SOX5: variants seen among roughly 807,000 people sequenced by gnomAD.
SOX5 encodes the protein SRY-box transcription factor 5, also known as transcription factor SOX-5.
SOX5 carries 9 observed loss-of-function variants against 92.0 expected under a neutral mutation model. The observed-to-expected ratio is 0.10, with a 90% CI of 0.06 to 0.17. SOX5 has a LOEUF of 0.17. Ranked by LOEUF, SOX5 falls within the 10% of genes least tolerant of loss-of-function variation. SOX5 has a pLI of 1.00. For synonymous variants in SOX5, 344 were observed against 336.3 expected (o/e 1.02, Z -0.25); for missense variants, 642 against 944.5 (o/e 0.68, Z 4.20).
At chr12:23,629,851 G>T (rs2078309262) in intron 8 of SOX5, among the ~76,000 whole-genome samples, 1 of 151,824 alleles carries the variant, frequency 6.6e-6, no homozygotes, top group Non-Finnish European at 1.5e-5. Context: ...AGCTTACAAA[G>T]AATAAATATT....
At chr12:24,021,150 T>C (rs1269820566) in intron 4 of SOX5, among the ~76,000 whole-genome samples, 1 of 152,162 alleles carries the variant, frequency 6.6e-6, no homozygotes, top group East Asian at 1.9e-4. Flanking sequence ...TTCTGTCTAT[T>C]AAACACAAAG....
At chr12:23,818,779 T>C (rs1170173420) in intron 3 of SOX5, among the ~76,000 whole-genome samples, 2 of 152,216 alleles carry the variant, frequency 1.3e-5, no homozygotes, top group Non-Finnish European at 2.9e-5. Context: ...GCTATTTTTC[T>C]ATTCTTAAAT....
chr12:24,394,780 T>G (rs983141972), intron 1 of SOX5, among the ~76,000 whole-genome samples: 1 of 152,194 alleles, frequency 6.6e-6, no homozygotes, highest in African/African-American at 2.4e-5. Context: ...TAAGTTAAAA[T>G]GAAGATGAAA....
chr12:23,946,486 G>A (rs1465957024), intron 1 of SOX5, among the ~76,000 whole-genome samples: 1 of 151,964 alleles, frequency 6.6e-6, no homozygotes, highest in East Asian at 1.9e-4. Flanking sequence ...TACTTATCAT[G>A]AACAAACTAA....
At chr12:24,369,554 C>A (rs1006924841) in intron 1 of SOX5, among the ~76,000 whole-genome samples, 21 of 152,228 alleles carry the variant, frequency 1.4e-4, no homozygotes, top group African/African-American at 4.8e-4. Context: ...ATGGTGAGGA[C>A]AACAGAAGCT....
chr12:23,711,201 T>A (rs2092017500), intron 6 of SOX5, among the ~76,000 whole-genome samples: 1 of 152,236 alleles, frequency 6.6e-6, no homozygotes, highest in African/African-American at 2.4e-5. Context: ...TTTGTCACTT[T>A]AAGAAAGCTC....
At chr12:24,110,900 CA>C (rs67100585) in intron 4 of SOX5, among the ~76,000 whole-genome samples, 555 of 27,550 alleles carry the variant, frequency 0.02, no homozygotes, top group African/African-American at 0.03. Flanking sequence ...GACTCCACTT[CA>C]AAAAAAAAAA....
intron 4 of SOX5, among the ~76,000 whole-genome samples, chr12:24,185,588 G>A (rs1955933735): frequency 6.6e-6 from 1 of 152,136 alleles, no homozygotes; most frequent in South Asian, 2.1e-4. Flanking sequence ...GAGGGCAGGT[G>A]AGAACAGACC....
At chr12:23,676,128 G>T (rs1053049639) in intron 6 of SOX5, among the ~76,000 whole-genome samples, 2 of 152,096 alleles carry the variant, frequency 1.3e-5, no homozygotes, top group African/African-American at 4.8e-5. Context: ...TATATAGGAT[G>T]AACAAATCTA....
intron 1 of SOX5, among the ~76,000 whole-genome samples, chr12:24,431,561 G>T (rs1938329167): frequency 6.7e-6 from 1 of 149,712 alleles, no homozygotes; most frequent in Non-Finnish European, 1.5e-5. Context: ...TTTTTGATCA[G>T]AACAGTTACC....
chr12:23,738,644 A>G (rs1170435889), intron 5 of SOX5: 1 of 152,140 alleles, frequency 6.6e-6, no homozygotes, highest in African/African-American at 2.4e-5. Flanking sequence ...TGTGAAAGAG[A>G]TAAGAAAGAA....
intron 2 of SOX5, among the ~76,000 whole-genome samples, chr12:23,876,447 G>C (rs1047165412): frequency 6.6e-6 from 1 of 152,206 alleles, no homozygotes; most frequent in East Asian, 1.9e-4. Context: ...ATGCCAGTTA[G>C]AATGGCAATC....
chr12:23,891,117 G>A (rs1352969482), intron 2 of SOX5, among the ~76,000 whole-genome samples: 2 of 152,166 alleles, frequency 1.3e-5, no homozygotes, highest in African/African-American at 2.4e-5. Flanking sequence ...TGTATATAGT[G>A]TGCTTAAGAA....
At chr12:23,668,719 A>AG (rs1292411231) in intron 6 of SOX5, among the ~76,000 whole-genome samples, 4 of 152,100 alleles carry the variant, frequency 2.6e-5, no homozygotes, top group Non-Finnish European at 4.4e-5. Flanking sequence ...TTTAAAAGCT[A>AG]GGGGGCATGT....
intron 1 of SOX5, among the ~76,000 whole-genome samples, chr12:24,444,479 T>A (rs889194074): frequency 2.0e-5 from 3 of 152,226 alleles, no homozygotes; most frequent in African/African-American, 7.2e-5. Context: ...TCTATTTGAA[T>A]TCCCCCATAG....
chr12:23,934,266 C>T (rs1227006508), intron 1 of SOX5, among the ~76,000 whole-genome samples: 2 of 151,158 alleles, frequency 1.3e-5, no homozygotes, highest in Admixed American at 6.6e-5. Flanking sequence ...CATTATGAGT[C>T]AGGTAACTCA....
At chr12:24,046,608 TA>T (rs928266534) in intron 4 of SOX5, among the ~76,000 whole-genome samples, 3 of 150,272 alleles carry the variant, frequency 2.0e-5, no homozygotes, top group African/African-American at 4.9e-5. Context: ...TATGAAAAAG[TA>T]AAACAAAAGA....
At chr12:23,638,546 T>C (rs111860370) in intron 8 of SOX5, 331 of 152,282 alleles carry the variant, frequency 2.2e-3, no homozygotes, top group African/African-American at 7.6e-3. Context: ...GTTTCAAAGA[T>C]TGGGGTGAAT....
At chr12:23,910,389 G>C (rs2097338849) in intron 1 of SOX5, among the ~76,000 whole-genome samples, 1 of 152,080 alleles carries the variant, frequency 6.6e-6, no homozygotes, top group Non-Finnish European at 1.5e-5. Flanking sequence ...CAAAATCCTA[G>C]CTCTCATGTG....
Sources: gnomAD v4.1 joint callset for allele counts (sites outside exome capture counted in the v4.1 genomes callset) on GRCh38, gnomAD v4.1.1 for gene constraint, MANE v1.5 for transcripts, NCBI Gene and HGNC (gene_info 2026-07-23, HGNC 2026-07-21) for gene names.